The following ARSB variants were observed in gnomAD, a reference collection of about 807,000 sequenced individuals.
ARSB encodes the protein N-acetylgalactosamine-4-sulfatase.
ARSB carries 41 observed loss-of-function variants against 50.9 expected under a neutral mutation model. That is an observed-to-expected ratio of 0.81 (90% CI 0.63 to 1.04). The LOEUF (loss-of-function observed/expected upper bound fraction) is 1.04, where lower values mean the gene tolerates loss of function less well. Among genes scored for constraint, ARSB ranks in the 50% least tolerant of loss-of-function variants. The probability of loss-of-function intolerance (pLI) is 0.00; values close to 1 mark genes in which losing one functional copy is unlikely to be tolerated. For synonymous variants in ARSB, 269 were observed against 284.8 expected (o/e 0.94, Z 0.56); for missense variants, 672 against 693.3 (o/e 0.97, Z 0.35).
intron 4 of ARSB, among the ~76,000 whole-genome samples, chr5:78,931,396 TA>T (rs1389666346): frequency 6.6e-6 from 1 of 152,152 alleles, no homozygotes; most frequent in Non-Finnish European, 1.5e-5. Flanking sequence ...AATCTATTAC[TA>T]ATGACAATGT....
chr5:78,953,964 C>T (rs427501), intron 4 of ARSB, among the ~76,000 whole-genome samples: 71,922 of 151,804 alleles, frequency 0.47, 17,088 homozygotes, highest in African/African-American at 0.56. Context: ...AACAGAACTT[C>T]ACAAAAAAGG....
chr5:78,811,638 C>T (rs1271840413), intron 6 of ARSB, among the ~76,000 whole-genome samples: 1 of 152,192 alleles, frequency 6.6e-6, no homozygotes, highest in Non-Finnish European at 1.5e-5. Context: ...TGTAGCGGCT[C>T]AACATAAAGC....
chr5:78,867,412 G>A (rs956208839), intron 5 of ARSB, among the ~76,000 whole-genome samples: 2 of 152,178 alleles, frequency 1.3e-5, no homozygotes, highest in Non-Finnish European at 2.9e-5. Context: ...AGACTTAAAT[G>A]TCCCTGTCTG....
intron 4 of ARSB, among the ~76,000 whole-genome samples, chr5:78,886,635 G>C (rs1748049660): frequency 6.6e-6 from 1 of 152,154 alleles, no homozygotes; most frequent in Non-Finnish European, 1.5e-5. Context: ...AGACATTAAA[G>C]TGGGCAGTAG....
intron 4 of ARSB, among the ~76,000 whole-genome samples, chr5:78,906,962 T>C (rs1282885407): frequency 6.6e-6 from 1 of 152,210 alleles, no homozygotes; most frequent in East Asian, 1.9e-4. Context: ...ATTAAGCACC[T>C]GCTAGGTGCC....
chr5:78,816,072 A>G, intron 6 of ARSB: 1 of 1,614,090 alleles, frequency 6.2e-7, no homozygotes, highest in Non-Finnish European at 8.5e-7. Context: ...TCTTCAGTAG[A>G]AAGTTGGTGG....
chr5:78,797,866 G>C (rs1743238503), intron 6 of ARSB, among the ~76,000 whole-genome samples: 1 of 152,160 alleles, frequency 6.6e-6, no homozygotes. Flanking sequence ...AGAACAGGGA[G>C]GAGGATGGAA....
At chr5:78,932,350 CTG>C (rs1205114342) in intron 4 of ARSB, among the ~76,000 whole-genome samples, 3 of 152,334 alleles carry the variant, frequency 2.0e-5, no homozygotes, top group African/African-American at 7.2e-5. Flanking sequence ...ACTCACCTAA[CTG>C]TGGTAAGAGG....
chr5:78,949,735 C>A (rs1394263905), intron 4 of ARSB, among the ~76,000 whole-genome samples: 1 of 152,072 alleles, frequency 6.6e-6, no homozygotes, highest in East Asian at 1.9e-4. Flanking sequence ...CATGGCGAAA[C>A]CTTGTCTCTC....
chr5:78,960,526 C>A (rs1444002065), intron 3 of ARSB, among the ~76,000 whole-genome samples: 2 of 152,120 alleles, frequency 1.3e-5, no homozygotes, highest in African/African-American at 4.8e-5. Context: ...TATAACATTA[C>A]ATTTGCTTCC....
intron 4 of ARSB, among the ~76,000 whole-genome samples, chr5:78,938,123 G>A (rs1368120979): frequency 6.6e-6 from 1 of 152,088 alleles, no homozygotes; most frequent in Non-Finnish European, 1.5e-5. Context: ...GTACCCAAAG[G>A]GCAACACATC....
chr5:78,851,704 T>C, intron 5 of ARSB, among the ~76,000 whole-genome samples: 1 of 152,228 alleles, frequency 6.6e-6, no homozygotes. Context: ...TAAGTCTCTT[T>C]GTAGGTCACT....
intron 4 of ARSB, among the ~76,000 whole-genome samples, chr5:78,943,331 TG>T (rs1171992124): frequency 6.6e-6 from 1 of 152,188 alleles, no homozygotes; most frequent in Non-Finnish European, 1.5e-5. Flanking sequence ...TGATGTTAGC[TG>T]GTTATTTTGC....
intron 4 of ARSB, among the ~76,000 whole-genome samples, chr5:78,907,395 A>G (rs983174563): frequency 6.6e-6 from 1 of 152,102 alleles, no homozygotes; most frequent in Non-Finnish European, 1.5e-5. Context: ...TTTGGTTCAG[A>G]GTGAGGACTG....
intron 4 of ARSB, among the ~76,000 whole-genome samples, chr5:78,933,346 A>C (rs886803471): frequency 6.6e-6 from 1 of 152,240 alleles, no homozygotes; most frequent in Non-Finnish European, 1.5e-5. Context: ...TGGATCCCCA[A>C]GAAAACTAGA....
At chr5:78,926,489 A>G (rs1750060081) in intron 4 of ARSB, among the ~76,000 whole-genome samples, 1 of 152,122 alleles carries the variant, frequency 6.6e-6, no homozygotes, top group South Asian at 2.1e-4. Flanking sequence ...TATGCAACCA[A>G]ATGAATTGCA....
chr5:78,783,755 G>C (rs2112621607), intron 6 of ARSB, among the ~76,000 whole-genome samples: 1 of 152,062 alleles, frequency 6.6e-6, no homozygotes, highest in Admixed American at 6.5e-5. Flanking sequence ...AACAAAAAAA[G>C]GAAATTTAAC....
chr5:78,902,443 G>A (rs1027772415), intron 4 of ARSB, among the ~76,000 whole-genome samples: 1 of 152,034 alleles, frequency 6.6e-6, no homozygotes, highest in African/African-American at 2.4e-5. Context: ...CACAAAAATT[G>A]GTACCTGAAT....
chr5:78,985,349 G>C (rs988281681), upstream of ARSB: 124 of 1,133,772 alleles, frequency 1.1e-4, no homozygotes, highest in Non-Finnish European at 1.2e-4. Context: ...GCCCCGGCGC[G>C]GGACGGCACC....
Sources: allele counts gnomAD v4.1 joint callset (sites outside exome capture counted in the v4.1 genomes callset), GRCh38; gene constraint gnomAD v4.1.1; transcripts MANE v1.5; gene names NCBI Gene and HGNC (gene_info 2026-07-23, HGNC 2026-07-21).